Variants in SOX5 observed in about 807,000 individuals in gnomAD.
SOX5 encodes SRY-box transcription factor 5.
Under a neutral mutation model 92.0 loss-of-function variants are expected in SOX5, and 9 were observed. The observed-to-expected ratio is 0.10, with a 90% CI of 0.06 to 0.17. The LOEUF (loss-of-function observed/expected upper bound fraction) is 0.17, where lower values mean the gene tolerates loss of function less well. SOX5 is among the 10% of genes least tolerant of loss of function. SOX5 has a pLI of 1.00. For synonymous variants in SOX5, 344 were observed against 336.3 expected, an observed-to-expected ratio of 1.02 and a Z score of -0.25; for missense variants, 642 against 944.5, an observed-to-expected ratio of 0.68 and a Z score of 4.20.
chr12:23,755,116 T>A (rs924353052), intron 4 of SOX5, among the ~76,000 whole-genome samples: 1 of 151,804 alleles, frequency 6.6e-6, no homozygotes, highest in African/African-American at 2.4e-5. Context: ...ATATGAATAG[T>A]TTTATAGAAC....
At position 24,284,460 on chromosome 12, in the gene SOX5, CTTTCA is replaced by C. The variant is rs1186489398; in HGVS notation, c.-173-7153_-173-7149del. On this transcript the variant is annotated intron_variant, in intron 2 of 4. Transcript: ENST00000446891. Reference sequence around the variant, plus strand: ...TGTGTGTGTGTGTGTGTGTGCGTGTCTTTCATTTAACTTTTTAAACATTTATTATA... The same window carrying C: ...TGTGTGTGTGTGTGTGTGTGCGTGTCTTTAACTTTTTAAACATTTATTATA... Among the ~76,000 whole-genome samples, 6 of 141,950 alleles carry C rather than the reference CTTTCA, an allele frequency of 4.2e-5. No individual in the cohort carries two copies. The East Asian group carries it at 1.2e-3, about 29-fold the overall frequency. The allele number at this position is 141,950 out of a possible 152,430, so 93.1% of individuals were successfully genotyped here.
intron 2 of SOX5, among the ~76,000 whole-genome samples, chr12:24,319,716 T>G (rs1950032727): frequency 6.6e-6 from 1 of 152,204 alleles, no homozygotes; most frequent in African/African-American, 2.4e-5. Context: ...AAAATAGAGC[T>G]CTATGGTACG....
chr12:24,377,254 C>T (rs563281948), intron 1 of SOX5, among the ~76,000 whole-genome samples: 3 of 152,244 alleles, frequency 2.0e-5, no homozygotes, highest in Non-Finnish European at 4.4e-5. Flanking sequence ...TTATTATATT[C>T]ATTTTATAGA....
chr12:23,604,147 T>G, intron 9 of SOX5: 1 of 416,384 alleles, frequency 2.4e-6, no homozygotes, highest in Non-Finnish European at 4.4e-6. Flanking sequence ...CTGATAATCT[T>G]TTTTATCTCT....
intron 2 of SOX5, among the ~76,000 whole-genome samples, chr12:24,310,882 T>C (rs1424022334): frequency 1.3e-5 from 2 of 151,986 alleles, no homozygotes; most frequent in Non-Finnish European, 2.9e-5. Flanking sequence ...CTCTAAAAAG[T>C]ATACTTCCAT....
intron 2 of SOX5, among the ~76,000 whole-genome samples, chr12:24,320,407 T>C (rs978488040): frequency 6.6e-6 from 1 of 152,212 alleles, no homozygotes; most frequent in African/African-American, 2.4e-5. Context: ...CACACTAAAT[T>C]GATTGTCCTC....
At chr12:23,975,727 A>G (rs1948821366) in intron 4 of SOX5, among the ~76,000 whole-genome samples, 1 of 152,170 alleles carries the variant, frequency 6.6e-6, no homozygotes, top group Non-Finnish European at 1.5e-5. Context: ...GGTTATGTGA[A>G]GGATAGAATA....
chr12:24,463,270 G>T (rs1943850887), intron 1 of SOX5, among the ~76,000 whole-genome samples: 1 of 151,684 alleles, frequency 6.6e-6, no homozygotes, highest in Non-Finnish European at 1.5e-5. Flanking sequence ...TAACTTTATA[G>T]AAAGCAACAT....
chr12:23,789,900 T>C (rs1201123789), intron 3 of SOX5, among the ~76,000 whole-genome samples: 1 of 152,144 alleles, frequency 6.6e-6, no homozygotes, highest in Non-Finnish European at 1.5e-5. Context: ...AACAAATCTG[T>C]GCCTCAGGAA....
chr12:24,291,211 A>C (rs1453108789), intron 2 of SOX5, among the ~76,000 whole-genome samples: 2 of 152,236 alleles, frequency 1.3e-5, no homozygotes, highest in Admixed American at 6.5e-5. Context: ...ACAGCACGTC[A>C]CAAAGTATCC....
At chr12:24,193,877 T>C (rs1008764526) in intron 4 of SOX5, among the ~76,000 whole-genome samples, 3 of 152,198 alleles carry the variant, frequency 2.0e-5, no homozygotes, top group Non-Finnish European at 4.4e-5. Context: ...AAACAGTCAC[T>C]AACAGTCACT....
intron 1 of SOX5, among the ~76,000 whole-genome samples, chr12:23,932,377 G>C (rs940723907): frequency 6.6e-5 from 10 of 151,570 alleles, no homozygotes; most frequent in Non-Finnish European, 1.2e-4. Flanking sequence ...CTGGACCCTT[G>C]ATTTTAACTT....
chr12:24,102,203 A>G lies in SOX5; in HGVS notation c.-2+111140T>C, dbSNP rs184767502. ...ATGTTATTTATCTCTTGTTAACTAC[A>G]TAGTACAACAAATTGTGTCTTTTAA... On this transcript the variant is annotated intron_variant, in intron 4 of 4. Coordinates refer to the SOX5 transcript ENST00000446891. Among the ~76,000 whole-genome samples, 139 of 152,336 alleles carry G rather than the reference A, an allele frequency of 9.1e-4. 1 individual carries two copies. The South Asian group carries it at 0.015, about 16-fold the overall frequency.
At chr12:24,110,668 G>A (rs11047264) in intron 4 of SOX5, among the ~76,000 whole-genome samples, 4,185 of 152,016 alleles carry the variant, frequency 0.028, 205 homozygotes, top group African/African-American at 0.095. Context: ...GACGGATCAC[G>A]AGGTCAGGAG....
chr12:23,873,973 G>C lies in SOX5; in HGVS notation c.270+21820C>G, dbSNP rs191719853. Among the ~76,000 whole-genome samples, 493 of 152,242 alleles carry C rather than the reference G, an allele frequency of 3.2e-3. 1 individual carries two copies. The highest frequency in any genetic ancestry group is 5.0e-3 in the Non-Finnish European group (338 of 68,014). Reference sequence around the variant, plus strand: ...GTTACAGGTTTTCTGGTAAGAATACGGTTAACTGTGAGACTCCTTGCAGTG... The same window carrying C: ...GTTACAGGTTTTCTGGTAAGAATACCGTTAACTGTGAGACTCCTTGCAGTG... On this transcript the variant is annotated intron_variant, in intron 2 of 14. Coordinates refer to ENST00000451604, the MANE Select transcript of SOX5 (RefSeq NM_006940.6).
At chr12:23,876,676 T>G (rs541136002) in intron 2 of SOX5, among the ~76,000 whole-genome samples, 130 of 152,322 alleles carry the variant, frequency 8.5e-4, no homozygotes, top group Non-Finnish European at 1.5e-3. Context: ...ATCATTCTAC[T>G]ATAAAGACAC....
intron 10 of SOX5, among the ~76,000 whole-genome samples, chr12:23,569,313 A>C (rs1036470941): frequency 6.6e-6 from 1 of 152,262 alleles, no homozygotes; most frequent in Non-Finnish European, 1.5e-5. Context: ...CATTTCAAAA[A>C]TAATGACCTG....
At chr12:23,795,483 G>T (rs2095546364) in intron 3 of SOX5, among the ~76,000 whole-genome samples, 1 of 152,034 alleles carries the variant, frequency 6.6e-6, no homozygotes, top group South Asian at 2.1e-4. Flanking sequence ...TAACAGAGTT[G>T]ACAGAAGCTC....
chr12:24,356,567 C>G (rs940533138), intron 2 of SOX5, among the ~76,000 whole-genome samples: 3 of 152,124 alleles, frequency 2.0e-5, no homozygotes, highest in African/African-American at 7.2e-5. Flanking sequence ...CTGCCAAACA[C>G]AGATATTGAG....
Sources: gnomAD v4.1 joint callset for allele counts (sites outside exome capture counted in the v4.1 genomes callset) on GRCh38, gnomAD v4.1.1 for gene constraint, MANE v1.5 for transcripts, NCBI Gene and HGNC (gene_info 2026-07-23, HGNC 2026-07-21) for gene names.